Variants in LRRK1 observed in about 807,000 individuals in gnomAD.
The protein encoded by LRRK1 is leucine rich repeat kinase 1, also known as leucine-rich repeat serine/threonine-protein kinase 1.
Under a neutral mutation model 209.1 loss-of-function variants are expected in LRRK1, and 113 were observed. The ratio of observed to expected loss-of-function variants is 0.54; its 90% CI spans 0.46 to 0.63. The LOEUF is 0.63. Among genes scored for constraint, LRRK1 ranks in the 30% least tolerant of loss-of-function variants. The probability of loss-of-function intolerance (pLI) is 0.00; values close to 1 mark genes in which losing one functional copy is unlikely to be tolerated. For synonymous variants in LRRK1, 1,144 were observed against 1,099.7 expected (o/e 1.04, Z -0.80); for missense variants, 2,284 against 2,632.2 (o/e 0.87, Z 2.89).
chr15:101,041,180 T>C (rs969068570), intron 20 of LRRK1, among the ~76,000 whole-genome samples: 7 of 152,360 alleles, frequency 4.6e-5, no homozygotes, highest in African/African-American at 1.4e-4. Flanking sequence ...TTTCTTGAAG[T>C]CTATTTTGTC....
At chr15:101,063,544 C>G (rs1341193885) in intron 31 of LRRK1, among the ~76,000 whole-genome samples, 1 of 152,254 alleles carries the variant, frequency 6.6e-6, no homozygotes, top group East Asian at 1.9e-4. Flanking sequence ...TCAGCCAGCT[C>G]TGGTTTCATC....
chr15:100,968,202 C>G lies in LRRK1; in HGVS notation c.98-5602C>G, dbSNP rs539432352. Among the ~76,000 whole-genome samples, 3 of 152,220 alleles carry G rather than the reference C, an allele frequency of 2.0e-5. No individual in the cohort carries two copies. The East Asian group carries it at 5.8e-4, about 29-fold the overall frequency. The stretch of plus-strand genomic sequence containing the variant: ...TCTTTCCATAGATCAATCGGTCCTT[C>G]CTTTTTATTGTTGAGTAGTTACTGT... On this transcript the variant is annotated intron_variant, in intron 2 of 33. Coordinates refer to ENST00000388948, the MANE Select transcript of LRRK1 (RefSeq NM_024652.6).
At chr15:101,059,957 G>GGCCCT (rs144739114) in intron 29 of LRRK1, among the ~76,000 whole-genome samples, 3 of 152,200 alleles carry the variant, frequency 2.0e-5, no homozygotes, top group African/African-American at 2.4e-5. Context: ...GGCTGGGCCG[G>GGCCCT]GCCCTGCCCT....
chr15:100,933,774 A>T (rs1465362792), intron 2 of LRRK1, among the ~76,000 whole-genome samples: 1 of 136,378 alleles, frequency 7.3e-6, no homozygotes, highest in Non-Finnish European at 1.5e-5. Flanking sequence ...GTGAGCTGAG[A>T]TCACACCACT....
rs2959199 is a variant in LRRK1 at position 101,070,706 on chromosome 15, A to T, written c.*1858A>T. On this transcript the variant is annotated 3_prime_UTR_variant, in exon 34 of 34. Transcript: ENST00000388948. ...CTACCCAGGAGCCAAGGCAGGAGGA[A>T]CCCTTGAGCCTGGGAGTTGGAGGTT... The T allele has an allele frequency of 0.98, 148,775 of 151,760 alleles. 72,992 individuals are homozygous for T. Among genetic ancestry groups the T allele is most frequent in the East Asian group, 1 (5,144 of 5,144 alleles). 9.4% of individuals were successfully genotyped at this position (151,760 alleles called of 1,614,324 possible). A position where few individuals can be genotyped will look rare whatever the true frequency, so the allele number is the denominator to read the frequency against.
intron 31 of LRRK1, 26 bp from the exon 32 acceptor site, chr15:101,065,326 G>A (rs900210748): frequency 6.2e-7 from 1 of 1,603,172 alleles, no homozygotes; most frequent in Admixed American, 1.7e-5. Flanking sequence ...GGAAGGATGT[G>A]ACACATCCCT....
At chr15:100,971,088 C>A (rs947759283) in intron 2 of LRRK1, among the ~76,000 whole-genome samples, 1 of 152,120 alleles carries the variant, frequency 6.6e-6, no homozygotes, top group African/African-American at 2.4e-5. Flanking sequence ...AATCCCAGCA[C>A]TCTGTGAGGC....
At chr15:101,052,146 G>A (rs144165737) in intron 24 of LRRK1, among the ~76,000 whole-genome samples, 186 bp downstream of exon 24, 139 of 152,232 alleles carry the variant, frequency 9.1e-4, no homozygotes, top group South Asian at 2.1e-3. Flanking sequence ...CCAGGCTGCC[G>A]GCTTTCCATT....
At chr15:100,943,439 A>G (rs887096008) in intron 2 of LRRK1, among the ~76,000 whole-genome samples, 1 of 152,156 alleles carries the variant, frequency 6.6e-6, no homozygotes, top group African/African-American at 2.4e-5. Context: ...TAATGTTTCT[A>G]TTCTCACTTT....
In LRRK1 at chr15:101,056,851, C is replaced by T; in HGVS notation, c.4333-5C>T. 5 of 1,590,796 alleles carry T rather than the reference C, an allele frequency of 3.1e-6. No individual in the cohort carries two copies. The highest frequency in any genetic ancestry group is 4.3e-6 in the Non-Finnish European group (5 of 1,167,408). On this transcript the variant is annotated splice_polypyrimidine_tract_variant and splice_region_variant and intron_variant, in intron 27 of 33. Transcript: ENST00000388948. ...GCGACCTGACTTGGCTTGTTCTGTG[C>T]CCAGGTAGATATGTTCTCCTATGGA...
Position 101,015,330 on chromosome 15 carries a change from G to A in LRRK1, c.1537G>A (p.Glu513Lys), listed in dbSNP as rs1049141464. ...DLSRNQLGKN[E>K]DGLKTKRIAF... is the part of the protein sequence containing the mutation. ...GTCTCTTTTTCCTCCCCCCAGAAATGAAGATGGACTGAAAACGAAGCGTAT... is the reference window on the plus strand; with the variant it reads ...GTCTCTTTTTCCTCCCCCCAGAAATAAAGATGGACTGAAAACGAAGCGTAT... The change falls in exon 12 of 34, where the codon GAA becomes AAA. Residue 513 changes from glutamate (E) to lysine (K), a missense_variant. Glu to Lys is a moderately conservative substitution (Grantham distance 56, BLOSUM62 1). Coordinates refer to ENST00000388948, the MANE Select transcript of LRRK1 (RefSeq NM_024652.6). 16 of 1,613,556 alleles carry A rather than the reference G, an allele frequency of 9.9e-6. No individual in the cohort carries two copies. The highest frequency in any genetic ancestry group is 1.3e-5 in the Non-Finnish European group (15 of 1,179,672).
intron 1 of LRRK1, among the ~76,000 whole-genome samples, chr15:100,923,404 A>G (rs1184108804): frequency 6.6e-6 from 1 of 152,190 alleles, no homozygotes; most frequent in Non-Finnish European, 1.5e-5. Flanking sequence ...TAAAAAATAT[A>G]TTTTTGGCTG....
At chr15:100,951,034 C>T (rs902495493) in intron 2 of LRRK1, among the ~76,000 whole-genome samples, 2 of 152,190 alleles carry the variant, frequency 1.3e-5, no homozygotes, top group African/African-American at 2.4e-5. Context: ...ACCCGGGAGG[C>T]GGAGCTTGCA....
chr15:101,055,565 C>T (rs2035749817), intron 27 of LRRK1, among the ~76,000 whole-genome samples: 1 of 152,160 alleles, frequency 6.6e-6, no homozygotes, highest in Non-Finnish European at 1.5e-5. Flanking sequence ...ACAGTGAGGA[C>T]ACAGGACCAG....
intron 2 of LRRK1, among the ~76,000 whole-genome samples, chr15:100,942,007 G>A (rs1349263898): frequency 2.0e-5 from 3 of 152,140 alleles, no homozygotes; most frequent in South Asian, 2.1e-4. Context: ...AGTGGATTCC[G>A]GTCTTCTCAG....
At chr15:100,992,191 G>A (rs1302249840) in intron 6 of LRRK1, among the ~76,000 whole-genome samples, 1 of 152,048 alleles carries the variant, frequency 6.6e-6, no homozygotes, top group Non-Finnish European at 1.5e-5. Context: ...AAAATAACAT[G>A]GGGAACTTTC....
intron 5 of LRRK1, 35 bp downstream of exon 5, chr15:100,988,848 C>G: frequency 6.6e-7 from 1 of 1,523,494 alleles, no homozygotes; most frequent in Non-Finnish European, 8.9e-7. Flanking sequence ...CAACCCTGAC[C>G]GTGCAAACCA....
intron 4 of LRRK1, 80 bp downstream of exon 4, chr15:100,983,779 C>T: frequency 7.5e-7 from 1 of 1,333,456 alleles, no homozygotes; most frequent in Non-Finnish European, 1.1e-6. Context: ...TTTACTTCTT[C>T]ATGCTTTCAC....
At chr15:100,943,831 G>C (rs1057465239) in intron 2 of LRRK1, among the ~76,000 whole-genome samples, 6 of 151,692 alleles carry the variant, frequency 4.0e-5, no homozygotes, top group East Asian at 1.9e-4. Context: ...GCGCCCACCA[G>C]TATGCCCAGC....
Sources: allele counts gnomAD v4.1 joint callset (sites outside exome capture counted in the v4.1 genomes callset), GRCh38; gene constraint gnomAD v4.1.1; transcripts MANE v1.5; gene names NCBI Gene and HGNC (gene_info 2026-07-23, HGNC 2026-07-21).